NUP107: variants seen among roughly 807,000 people sequenced by gnomAD.
NUP107 encodes the protein nuclear pore complex protein Nup107.
Under a neutral mutation model 141.0 loss-of-function variants are expected in NUP107, and 101 were observed. The ratio of observed to expected loss-of-function variants is 0.72; its 90% CI spans 0.61 to 0.84. The LOEUF is 0.84. Ranked by LOEUF, NUP107 falls within the 40% of genes least tolerant of loss-of-function variation. The pLI, the probability that NUP107 is intolerant of heterozygous loss-of-function variation, is 0.00. For synonymous variants in NUP107, 319 were observed against 363.9 expected (o/e 0.88, Z 1.41); for missense variants, 941 against 1,102.7 (o/e 0.85, Z 2.08).
intron 9 of NUP107, among the ~76,000 whole-genome samples, chr12:68,709,587 G>A (rs1265051989): frequency 6.6e-6 from 1 of 152,034 alleles, no homozygotes; most frequent in African/African-American, 2.4e-5. Context: ...AATAGTGTTT[G>A]GAAAAATTGT....
intron 8 of NUP107, among the ~76,000 whole-genome samples, chr12:68,704,035 C>T (rs1876461480): frequency 6.6e-6 from 1 of 152,130 alleles, no homozygotes; most frequent in South Asian, 2.1e-4. Flanking sequence ...AACCATACTA[C>T]TGCACTCTAG....
chr12:68,702,845 G>T lies in NUP107; in HGVS notation c.729+61G>T, dbSNP rs1376258471. On this transcript the variant is annotated intron_variant, in intron 8 of 27. Coordinates refer to ENST00000229179, the MANE Select transcript of NUP107 (RefSeq NM_020401.4). ...ATACAAATTAAAATGTTACTAATAG[G>T]ATTTTTTTTTTTTTTGAGTTGGAGT... The T allele has an allele frequency of 5.3e-5, 51 of 969,712 alleles. No homozygotes were observed. The South Asian group carries it at 7.5e-4, about 14-fold the overall frequency. The allele number at this position is 969,712 out of a possible 1,614,324, so 60.1% of individuals were successfully genotyped here.
chr12:68,720,892 T>C (rs1218802368), intron 14 of NUP107, among the ~76,000 whole-genome samples: 6 of 152,202 alleles, frequency 3.9e-5, no homozygotes, highest in Non-Finnish European at 7.3e-5. Flanking sequence ...TCACCTGATA[T>C]TTGGCATTTA....
At chr12:68,737,407 A>G (rs1461902305) in intron 26 of NUP107, among the ~76,000 whole-genome samples, 1 of 151,992 alleles carries the variant, frequency 6.6e-6, no homozygotes, top group Non-Finnish European at 1.5e-5. Context: ...TCTACTAAAA[A>G]TACAAAAAAA....
At chr12:68,721,074 A>C (rs759431873) in intron 14 of NUP107, 44 bp from the exon 15 acceptor site, 1 of 1,328,306 alleles carries the variant, frequency 7.5e-7, no homozygotes, top group Non-Finnish European at 1.1e-6. Context: ...TGACATACTA[A>C]GAAAAACAAT....
intron 19 of NUP107, 66 bp downstream of exon 19, chr12:68,726,683 A>G (rs545441177): frequency 1.0e-6 from 1 of 981,668 alleles, no homozygotes; most frequent in Admixed American, 2.1e-5. Flanking sequence ...TGTCAAGAAA[A>G]CACTACTTTT....
intron 3 of NUP107, 113 bp from the exon 4 acceptor site, chr12:68,690,518 G>C: frequency 7.7e-7 from 1 of 1,305,852 alleles, no homozygotes; most frequent in Non-Finnish European, 1.1e-6. Context: ...TTTGGTTAGA[G>C]TCTAAATAAT....
intron 7 of NUP107, 138 bp downstream of exon 7, chr12:68,700,991 T>C: frequency 1.3e-6 from 1 of 771,264 alleles, no homozygotes; most frequent in South Asian, 2.4e-5. Flanking sequence ...AATACCTTAG[T>C]TGTCAAGAGT....
At chr12:68,741,076 GAAAA>G (rs955186876) in intron 26 of NUP107, among the ~76,000 whole-genome samples, 1 of 144,580 alleles carries the variant, frequency 6.9e-6, no homozygotes, top group Non-Finnish European at 1.5e-5. Flanking sequence ...AAAAAGAAAA[GAAAA>G]AAAAAAGAAA....
At chr12:68,712,290 C>G (rs1876891735) in intron 10 of NUP107, among the ~76,000 whole-genome samples, 1 of 151,960 alleles carries the variant, frequency 6.6e-6, no homozygotes, top group Non-Finnish European at 1.5e-5. Flanking sequence ...CAAGAGCAGT[C>G]TGGCCAACAT....
At chr12:68,705,408 ACTC>A (rs1293407000) in intron 8 of NUP107, among the ~76,000 whole-genome samples, 1 of 151,594 alleles carries the variant, frequency 6.6e-6, no homozygotes, top group Non-Finnish European at 1.5e-5. Flanking sequence ...ATGAACTCTT[ACTC>A]CTCATCTTCT....
intron 1 of NUP107, among the ~76,000 whole-genome samples, chr12:68,688,487 TTTG>T (rs537365392): frequency 5.5e-4 from 84 of 152,268 alleles, no homozygotes; most frequent in African/African-American, 9.1e-4. Flanking sequence ...ACAAGCTCTG[TTTG>T]TTGTTGTTGT....
At chr12:68,723,543 C>G (rs1303718368) in intron 17 of NUP107, among the ~76,000 whole-genome samples, 2 of 152,098 alleles carry the variant, frequency 1.3e-5, no homozygotes, top group Non-Finnish European at 2.9e-5. Flanking sequence ...TTGCAGTGAG[C>G]CAAGATCGCA....
At chr12:68,727,253 A>G (rs1005707703) in intron 19 of NUP107, 98 bp from the exon 20 acceptor site, 1 of 626,812 alleles carries the variant, frequency 1.6e-6, no homozygotes, top group Non-Finnish European at 2.8e-6. Flanking sequence ...GGTAAACATT[A>G]CAATTATTAA....
At chr12:68,730,607 G>A (rs575480264) in intron 20 of NUP107, among the ~76,000 whole-genome samples, 18 of 152,212 alleles carry the variant, frequency 1.2e-4, no homozygotes, top group African/African-American at 3.9e-4. Flanking sequence ...TATATTTATC[G>A]AAAAAAATCC....
At position 68,719,371 on chromosome 12, in the gene NUP107, G is replaced by T; in HGVS notation, c.1114G>T (p.Ala372Ser). The T allele has an allele frequency of 6.2e-7, 1 of 1,614,120 alleles. No homozygotes were observed. Among genetic ancestry groups the T allele is most frequent in the South Asian group, 1.1e-5 (1 of 91,080 alleles). Reference protein sequence around the residue: ...AQRLCKRCGQAWRAATLEGWK... With the variant: ...AQRLCKRCGQSWRAATLEGWK... ...ACGACTCTGTAAACGCTGTGGTCAA[G>T]CATGGAGAGCTGCAACACTTGAAGG... is the stretch of plus-strand genomic sequence containing the variant. Residue 372 changes from alanine (A) to serine (S), a missense_variant, in exon 13 of 28, where the codon GCA becomes TCA. By Grantham distance (99) the Ala-to-Ser change is moderately conservative (BLOSUM62 1). Coordinates refer to ENST00000229179, the MANE Select transcript of NUP107 (RefSeq NM_020401.4).
Position 68,702,733 on chromosome 12 carries a change from C to G in NUP107, c.681-3C>G. ...TTTTTTATTTTGTCTTATTTTTCCC[C>G]AGAGACAGAATACAGTCTGCATTAG... On this transcript the variant is annotated splice_region_variant and splice_polypyrimidine_tract_variant and intron_variant, in intron 7 of 27. Coordinates refer to ENST00000229179, the MANE Select transcript of NUP107 (RefSeq NM_020401.4). The G allele has an allele frequency of 6.5e-7, 1 of 1,534,508 alleles. No homozygotes were observed. The highest frequency in any genetic ancestry group is 8.8e-7 in the Non-Finnish European group (1 of 1,139,108).
Position 68,690,761 on chromosome 12 carries a change from A to G in NUP107, c.303+15A>G, listed in dbSNP as rs11608404. On this transcript the variant is annotated intron_variant, in intron 4 of 27. Transcript: ENST00000229179. The stretch of plus-strand genomic sequence containing the variant: ...ATCTCTCCATGGTATGTAGAAAAAT[A>G]GGGCTAAGAACTCCTTTTGGGTCGA... The G allele has an allele frequency of 0.29, 469,571 of 1,612,102 alleles. 73,031 individuals carry two copies. The highest frequency in any genetic ancestry group is 0.33 in the Admixed American group (19,492 of 59,892).
At chr12:68,702,291 A>C (rs1876369133) in intron 7 of NUP107, among the ~76,000 whole-genome samples, 1 of 151,726 alleles carries the variant, frequency 6.6e-6, no homozygotes, top group Non-Finnish European at 1.5e-5. Context: ...ACCTGGCCTA[A>C]TTTTTATATT....
Sources: gnomAD v4.1 joint callset for allele counts (sites outside exome capture counted in the v4.1 genomes callset) on GRCh38, gnomAD v4.1.1 for gene constraint, MANE v1.5 for transcripts, NCBI Gene and HGNC (gene_info 2026-07-23, HGNC 2026-07-21) for gene names.